Variants in ZNF354A observed in about 807,000 individuals in gnomAD.
The protein encoded by ZNF354A is zinc finger protein 354A.
In ZNF354A, 25 loss-of-function variants were observed where a neutral mutation model predicts 53.3. The observed-to-expected ratio is 0.47, with a 90% CI of 0.34 to 0.66. ZNF354A has a LOEUF of 0.66. Among genes scored for constraint, ZNF354A ranks in the 30% least tolerant of loss-of-function variants. ZNF354A has a pLI of 0.01. For missense variants in ZNF354A, 586 were observed against 716.8 expected, an observed-to-expected ratio of 0.82 and a Z score of 2.08; for synonymous variants, 228 against 249.0, an observed-to-expected ratio of 0.92 and a Z score of 0.79.
chr5:178,713,090 G>A lies in ZNF354A; in HGVS notation c.788C>T (p.Thr263Met), dbSNP rs1342323586. 15 of 1,613,706 alleles carry A rather than the reference G, an allele frequency of 9.3e-6. No homozygotes were observed. The highest frequency in any genetic ancestry group is 6.6e-5 in the South Asian group (6 of 91,068). ...QSSALIQHQI[T>M]HTGEKPYICK... Reference sequence around the variant, plus strand: ...TATGTAGGGTTTCTCTCCAGTATGCGTTATTTGATGTTGAATAAGAGCTGA... The same window carrying A: ...TATGTAGGGTTTCTCTCCAGTATGCATTATTTGATGTTGAATAAGAGCTGA... Residue 263 changes from threonine to methionine, a missense_variant, in exon 5 of 5, where the codon ACG (threonine) becomes ATG (methionine). This residue lies in a region of ZNF354A where 573 missense variants were observed against 680.1 expected (regional missense o/e 0.84). Transcript: ENST00000335815.
At chr5:178,726,342 G>A (rs1052526513) in intron 3 of ZNF354A, 27 of 363,900 alleles carry the variant, frequency 7.4e-5, no homozygotes, top group Non-Finnish European at 1.2e-4. Context: ...ACAGAGTCTC[G>A]CTTTGTCGCC....
At chr5:178,716,714 C>A (rs1765721184) in intron 4 of ZNF354A, among the ~76,000 whole-genome samples, 1 of 152,216 alleles carries the variant, frequency 6.6e-6, no homozygotes, top group South Asian at 2.1e-4. Context: ...AAAAGTGAGG[C>A]TGACTTAGGA....
rs747605360 is a variant in ZNF354A at position 178,713,423 on chromosome 5, A to T, written c.455T>A (p.Ile152Asn). ...FQIVSATHKK[I>N]PTIERSHKNT... ...TTTATGGCTTCTTTCTATAGTGGGGATTTTTTTGTGGGTGGCTGAAACTAT... is the reference window on the plus strand; with the variant it reads ...TTTATGGCTTCTTTCTATAGTGGGGTTTTTTTTGTGGGTGGCTGAAACTAT... Residue 152 changes from isoleucine to asparagine, a missense_variant, in exon 5 of 5, where the codon ATC (isoleucine) becomes AAC (asparagine). Around this residue, in one of 2 missense-constraint regions of ZNF354A, gnomAD observed 573 missense variants for 680.1 expected, o/e 0.84. Coordinates refer to ENST00000335815, the MANE Select transcript of ZNF354A (RefSeq NM_005649.3). 5 of 1,612,800 alleles carry T rather than the reference A, an allele frequency of 3.1e-6. No individual in the cohort carries two copies. The South Asian group carries it at 4.4e-5, about 14-fold the overall frequency.
intron 2 of ZNF354A, among the ~76,000 whole-genome samples, chr5:178,727,431 T>C (rs892668008): frequency 6.6e-5 from 10 of 152,202 alleles, no homozygotes; most frequent in African/African-American, 2.4e-4. Flanking sequence ...CCTCAAAGTA[T>C]ACTCTTTAAA....
intron 3 of ZNF354A, chr5:178,726,153 C>A (rs971825717): frequency 1.5e-5 from 7 of 452,752 alleles, no homozygotes; most frequent in Non-Finnish European, 3.1e-5. Flanking sequence ...ATGTGACTCC[C>A]TTTTAAGGAT....
chr5:178,729,747 G>GT (rs1009949641), intron 1 of ZNF354A, among the ~76,000 whole-genome samples: 2 of 151,120 alleles, frequency 1.3e-5, no homozygotes, highest in African/African-American at 4.9e-5. Context: ...AGGTTTCACC[G>GT]TGTTGCCCAG....
At chr5:178,727,596 T>C (rs1200749206) in intron 2 of ZNF354A, among the ~76,000 whole-genome samples, 2 of 152,238 alleles carry the variant, frequency 1.3e-5, no homozygotes, top group African/African-American at 4.8e-5. Flanking sequence ...ATGTGCTTAC[T>C]CAAGCTTAAG....
At position 178,711,895 on chromosome 5, in the gene ZNF354A, C is replaced by T; in HGVS notation, c.*165G>A. ...AGTGTCTGACAGGCACAAACACTTTCCTCATATCTATTATATAGCTGAGGT... is the reference window on the plus strand; with the variant it reads ...AGTGTCTGACAGGCACAAACACTTTTCTCATATCTATTATATAGCTGAGGT... On this transcript the variant is annotated 3_prime_UTR_variant, in exon 5 of 5. Transcript: ENST00000335815. 1 of 742,592 alleles carries T rather than the reference C, an allele frequency of 1.3e-6. No individual in the cohort carries two copies. The highest frequency in any genetic ancestry group is 2.0e-6 in the Non-Finnish European group (1 of 506,288). The allele number at this position is 742,592 out of a possible 1,614,324, so 46.0% of individuals were successfully genotyped here.
chr5:178,720,018 A>G (rs1029930563), intron 4 of ZNF354A, among the ~76,000 whole-genome samples: 1 of 152,214 alleles, frequency 6.6e-6, no homozygotes, highest in Non-Finnish European at 1.5e-5. Flanking sequence ...CTCAAGGAGC[A>G]ATCTGCTGGG....
rs1037109651 is a variant in ZNF354A at position 178,713,410 on chromosome 5, T to G, written c.468A>C (p.Glu156Asp). The change falls in exon 5 of 5, where the codon GAA becomes GAC. Residue 156 changes from glutamate to aspartate, a missense_variant. Physicochemically the swap from Glu to Asp is conservative, Grantham distance 45. Transcript: ENST00000335815. ...SATHKKIPTI[E>D]RSHKNTELSQ... is the part of the protein sequence containing the mutation. ...TCAATTCAGTATTTTTATGGCTTCT[T>G]TCTATAGTGGGGATTTTTTTGTGGG... is the stretch of plus-strand genomic sequence containing the variant. 7.4e-5 allele frequency: 119 copies of G among 1,613,468 alleles called. No individual in the cohort carries two copies. The highest frequency in any genetic ancestry group is 9.3e-5 in the Non-Finnish European group (110 of 1,179,930).
Position 178,725,275 on chromosome 5 carries a change from C to T in ZNF354A, c.256+101G>A, listed in dbSNP as rs1380673419. On this transcript the variant is annotated intron_variant, in intron 4 of 4. Transcript: ENST00000335815. ...TCCGCTTCCCCATCACTTCTTGAGG[C>T]CTGAGAATTCTCAAGGGAGTTTCCC... 6 of 1,154,084 alleles carry T rather than the reference C, an allele frequency of 5.2e-6. No individual in the cohort carries two copies. The Admixed American group carries it at 8.7e-5, about 17-fold the overall frequency. The allele number at this position is 1,154,084 out of a possible 1,614,324, so 71.5% of individuals were successfully genotyped here.
rs73330605 is a variant in ZNF354A, at chr5:178,721,298, C to A, written c.256+4078G>T. Among the ~76,000 whole-genome samples the A allele has an allele frequency of 7.4e-3, 1,126 of 152,148 alleles. 7 individuals carry two copies. Among genetic ancestry groups the A allele is most frequent in the African/African-American group, 0.025 (1,035 of 41,486 alleles). On this transcript the variant is annotated intron_variant, in intron 4 of 4. Transcript: ENST00000335815. Reference sequence around the variant, plus strand: ...TAGGCTACTACACACCTAGGCTATACCCCTATACAGCATGTTACTTAGCTG... The same window carrying A: ...TAGGCTACTACACACCTAGGCTATAACCCTATACAGCATGTTACTTAGCTG...
chr5:178,716,465 C>T (rs1458513387), intron 4 of ZNF354A, among the ~76,000 whole-genome samples: 1 of 152,160 alleles, frequency 6.6e-6, no homozygotes, highest in Non-Finnish European at 1.5e-5. Context: ...TGGCAGCATC[C>T]TTTCCATTCA....
rs3193016 is a variant in ZNF354A, at chr5:178,727,105, A to G, written c.54T>C (p.Asp18=). 1.9e-6 allele frequency: 3 copies of G among 1,613,938 alleles called. No homozygotes were observed. The highest frequency in any genetic ancestry group is 2.5e-6 in the Non-Finnish European group (3 of 1,179,908). The change falls in exon 3 of 5, where the codon GAT becomes GAC. Residue 18 remains aspartate, a synonymous_variant. Coordinates refer to ENST00000335815, the MANE Select transcript of ZNF354A (RefSeq NM_005649.3). ...ARPQVSLTFE[D]VAVLFTRDEW... is the part of the protein sequence containing the mutation. ...CATCTCGGGTAAACAGCACAGCCACATCCTCAAACGTCAGTGACACCTGTA... is the reference window on the plus strand; with the variant it reads ...CATCTCGGGTAAACAGCACAGCCACGTCCTCAAACGTCAGTGACACCTGTA...
At chr5:178,721,491 T>C (rs909632184) in intron 4 of ZNF354A, among the ~76,000 whole-genome samples, 7 of 151,598 alleles carry the variant, frequency 4.6e-5, no homozygotes, top group African/African-American at 9.7e-5. Context: ...TGTAAGTAAA[T>C]ACACACACAC....
chr5:178,712,100 A>C lies in ZNF354A; in HGVS notation c.1778T>G (p.Leu593Arg). 2 of 1,608,548 alleles carry C rather than the reference A, an allele frequency of 1.2e-6. No homozygotes were observed. Among genetic ancestry groups the C allele is most frequent in the Non-Finnish European group, 1.7e-6 (2 of 1,177,026 alleles). The change falls in exon 5 of 5, where the codon CTT becomes CGT. Residue 593 changes from leucine (L) to arginine (R), a missense_variant. Leu to Arg is a moderately radical substitution (Grantham distance 102). This residue lies in a region of ZNF354A where 573 missense variants were observed against 680.1 expected (regional missense o/e 0.84). Transcript: ENST00000335815. ...GATATGAATTTTATAATGATTAGTA[A>C]GGGATGACCTATGGTTGAAAAGTTT... ...CGKLFNHRSS[L>R]TNHYKIHIEE...
At chr5:178,728,586 T>C (rs1178605027) in intron 2 of ZNF354A, among the ~76,000 whole-genome samples, 1 of 150,920 alleles carries the variant, frequency 6.6e-6, no homozygotes. Context: ...GGTCAGGAGT[T>C]TGAGACCAGC....
At position 178,719,987 on chromosome 5, in the gene ZNF354A, A is replaced by C. The variant is rs79141572; in HGVS notation, c.256+5389T>G. Among the ~76,000 whole-genome samples, 15 of 152,284 alleles carry C rather than the reference A, an allele frequency of 9.9e-5. No individual in the cohort carries two copies. In the East Asian group the frequency reaches 1.7e-3, roughly 18 times the overall value. ...TGTCACTTGCATTTGCAGTCTCACA[A>C]GGTTTTCTAGAGTCAGAGAACTCAA... On this transcript the variant is annotated intron_variant, in intron 4 of 4. Coordinates refer to ENST00000335815, the MANE Select transcript of ZNF354A (RefSeq NM_005649.3).
At chr5:178,728,810 T>A (rs1581751544) in intron 2 of ZNF354A, among the ~76,000 whole-genome samples, 180 bp downstream of exon 2, 11 of 69,732 alleles carry the variant, frequency 1.6e-4, no homozygotes, top group South Asian at 5.5e-4. Flanking sequence ...AGAGAACCAC[T>A]AGACACGGGT....
Sources: gnomAD v4.1 joint callset for allele counts (sites outside exome capture counted in the v4.1 genomes callset) on GRCh38, gnomAD v4.1.1 for gene constraint, gnomAD v4.1.1 regional missense constraint, MANE v1.5 for transcripts, NCBI Gene and HGNC (gene_info 2026-07-23, HGNC 2026-07-21) for gene names.